MSI2: variants seen among roughly 807,000 people sequenced by gnomAD.
MSI2 encodes the protein RNA-binding protein Musashi homolog 2.
In MSI2, 17 loss-of-function variants were observed where a neutral mutation model predicts 45.6. The ratio of observed to expected loss-of-function variants is 0.37; its 90% confidence interval spans 0.26 to 0.56. The LOEUF (loss-of-function observed/expected upper bound fraction) is 0.56. Ranked by LOEUF, MSI2 falls within the 20% of genes least tolerant of loss-of-function variation. The pLI, the probability that MSI2 is intolerant of heterozygous loss-of-function variation, is 0.77. For synonymous variants in MSI2, 156 were observed against 158.2 expected (o/e 0.99, Z 0.11); for missense variants, 293 against 444.2 (o/e 0.66, Z 3.06).
At position 57,464,584 on chromosome 17, in the gene MSI2, A is replaced by T. The variant is rs145341196; in HGVS notation, c.405+63113A>T. Among the ~76,000 whole-genome samples the T allele has an allele frequency of 1.3e-3, 191 of 152,310 alleles. 1 individual carries two copies. The highest frequency in any genetic ancestry group is 4.5e-3 in the African/African-American group (189 of 41,578). ...ATCCATTTCTCTGAGGATGGCTGCA[A>T]GCAAGAAGACTGCTGCCTCGTTACG... On this transcript the variant is annotated intron_variant, in intron 6 of 13. Coordinates refer to ENST00000284073, the MANE Select transcript of MSI2 (RefSeq NM_138962.4).
chr17:57,384,857 T>G (rs900155536), intron 5 of MSI2, among the ~76,000 whole-genome samples: 4 of 152,156 alleles, frequency 2.6e-5, no homozygotes, highest in Admixed American at 6.5e-5. Flanking sequence ...ACTGAAAATT[T>G]AACATACTCA....
chr17:57,463,990 CGTGTGTGT>C (rs58522672), intron 6 of MSI2, among the ~76,000 whole-genome samples: 108 of 146,388 alleles, frequency 7.4e-4, no homozygotes, highest in East Asian at 8.1e-4. Flanking sequence ...GTTTAATGAA[CGTGTGTGT>C]GTGTGTGTGT....
intron 10 of MSI2, among the ~76,000 whole-genome samples, chr17:57,637,059 A>C (rs1453757812): frequency 6.6e-6 from 1 of 152,190 alleles, no homozygotes; most frequent in Non-Finnish European, 1.5e-5. Context: ...ACATCCCTTC[A>C]GCCCTTGAGC....
intron 7 of MSI2, among the ~76,000 whole-genome samples, chr17:57,533,036 G>A (rs760085956): frequency 6.6e-6 from 1 of 152,228 alleles, no homozygotes; most frequent in African/African-American, 2.4e-5. Flanking sequence ...GGTGGGCCAG[G>A]CTCCCAGGGC....
In MSI2 at chr17:57,514,807, A is replaced by AGGAGTAGACCAG. The variant is rs1167193791; in HGVS notation, c.406-14858_406-14857insGGGAGTAGACCA. On this transcript the variant is annotated intron_variant, in intron 6 of 13. Transcript: ENST00000284073. ...AGATCTGAGTCATGATTTGGGTGTA[A>AGGAGTAGACCAG]GGAGTAGACCAAAAATTTCCAACCT... Among the ~76,000 whole-genome samples, 96 of 152,104 alleles carry AGGAGTAGACCAG rather than the reference A, an allele frequency of 6.3e-4. 1 individual carries two copies. Among genetic ancestry groups the AGGAGTAGACCAG allele is most frequent in the Admixed American group, 5.4e-3 (83 of 15,270 alleles).
At chr17:57,547,651 G>C (rs1017781837) in intron 7 of MSI2, among the ~76,000 whole-genome samples, 1 of 151,456 alleles carries the variant, frequency 6.6e-6, no homozygotes, top group Non-Finnish European at 1.5e-5. Flanking sequence ...TTGGTGGAAG[G>C]AACACATTTT....
chr17:57,639,600 C>A (rs1910094895), intron 10 of MSI2, among the ~76,000 whole-genome samples: 3 of 152,216 alleles, frequency 2.0e-5, no homozygotes, highest in South Asian at 4.1e-4. Flanking sequence ...GGGCTGGCTG[C>A]CTTTGAGGTG....
the MSI2 span, among the ~76,000 whole-genome samples, chr17:57,692,714 GGTTTT>G: frequency 1.4e-4 from 21 of 151,108 alleles, no homozygotes; most frequent in Non-Finnish European, 2.2e-4. Context: ...TGTGTTGACA[GGTTTT>G]GTTTTGTTTT....
intron 10 of MSI2, 109 bp from the exon 11 acceptor site, chr17:57,651,990 C>A: frequency 9.8e-7 from 1 of 1,020,788 alleles, no homozygotes; most frequent in Non-Finnish European, 1.5e-6. Context: ...TCCCTTCCCA[C>A]TCCTGTCTTT....
At chr17:57,434,597 ACT>A (rs1186359036) in intron 6 of MSI2, among the ~76,000 whole-genome samples, 3 of 150,952 alleles carry the variant, frequency 2.0e-5, no homozygotes, top group South Asian at 4.2e-4. Context: ...TTCTATTAAT[ACT>A]CTCTGTTTCT....
intron 6 of MSI2, among the ~76,000 whole-genome samples, chr17:57,433,309 TG>T (rs1423535303): frequency 1.3e-5 from 2 of 152,162 alleles, no homozygotes; most frequent in African/African-American, 4.8e-5. Context: ...GGTAACATGC[TG>T]TTGGGAGGAG....
intron 5 of MSI2, among the ~76,000 whole-genome samples, chr17:57,306,121 T>C (rs1203015528): frequency 6.6e-6 from 1 of 151,862 alleles, no homozygotes; most frequent in Non-Finnish European, 1.5e-5. Flanking sequence ...TTGCTTGCTC[T>C]GGGGGTTGGG....
intron 5 of MSI2, among the ~76,000 whole-genome samples, chr17:57,294,086 G>A (rs1430144372): frequency 2.0e-5 from 3 of 152,218 alleles, no homozygotes; most frequent in South Asian, 4.2e-4. Flanking sequence ...GAGAGGGGCT[G>A]GAGGGGACCC....
intron 5 of MSI2, among the ~76,000 whole-genome samples, chr17:57,389,234 C>T (rs1322350009): frequency 6.6e-6 from 1 of 152,162 alleles, no homozygotes; most frequent in African/African-American, 2.4e-5. Flanking sequence ...GCCTCGGCCT[C>T]CCAAAGTACT....
intron 7 of MSI2, among the ~76,000 whole-genome samples, chr17:57,575,406 C>G (rs1332631163): frequency 6.6e-6 from 1 of 152,176 alleles, no homozygotes; most frequent in Non-Finnish European, 1.5e-5. Context: ...CTGCGCATCT[C>G]CTGTTTGACC....
At chr17:57,289,930 G>A (rs1173028973) in intron 5 of MSI2, among the ~76,000 whole-genome samples, 1 of 152,254 alleles carries the variant, frequency 6.6e-6, no homozygotes. Flanking sequence ...GAACCAGATG[G>A]CTTTATGGAG....
intron 8 of MSI2, 129 bp from the exon 9 acceptor site, chr17:57,615,841 G>T: frequency 1.5e-6 from 1 of 668,954 alleles, no homozygotes; most frequent in Non-Finnish European, 2.6e-6. Context: ...CATTTACTCG[G>T]CATGGCTATT....
chr17:57,539,707 G>A (rs940634607), intron 7 of MSI2, among the ~76,000 whole-genome samples: 9 of 142,922 alleles, frequency 6.3e-5, no homozygotes, highest in African/African-American at 1.9e-4. Flanking sequence ...CCCAGACAAC[G>A]TGCTATTATT....
intron 10 of MSI2, among the ~76,000 whole-genome samples, chr17:57,642,550 A>G (rs1460864218): frequency 6.6e-6 from 1 of 152,122 alleles, no homozygotes; most frequent in Non-Finnish European, 1.5e-5. Flanking sequence ...CCTTTAGCCC[A>G]GGCCCAGCTT....
Sources: allele counts gnomAD v4.1 joint callset (sites outside exome capture counted in the v4.1 genomes callset), GRCh38; gene constraint gnomAD v4.1.1; transcripts MANE v1.5; gene names NCBI Gene and HGNC (gene_info 2026-07-23, HGNC 2026-07-21).